Variants in EPB41L4A observed in about 807,000 individuals in gnomAD.
EPB41L4A encodes band 4.1-like protein 4A.
A neutral mutation model predicts 108.6 loss-of-function variants in EPB41L4A; 100 were observed. The observed-to-expected ratio is 0.92, with a 90% CI of 0.78 to 1.09. EPB41L4A has a LOEUF of 1.09. EPB41L4A is among the 50% of genes least tolerant of loss of function. The pLI is 0.00. For missense variants in EPB41L4A, 1,030 were observed against 842.7 expected (o/e 1.22, Z -2.75); for synonymous variants, 319 against 289.0 (o/e 1.10, Z -1.05).
intron 1 of EPB41L4A, among the ~76,000 whole-genome samples, chr5:112,379,195 C>A (rs1760013992): frequency 2.0e-5 from 3 of 152,084 alleles, no homozygotes; most frequent in African/African-American, 7.2e-5. Context: ...ATATACATGT[C>A]CCCCCATTTA....
intron 12 of EPB41L4A, among the ~76,000 whole-genome samples, chr5:112,152,196 AG>A (rs1759494347): frequency 6.6e-6 from 1 of 152,032 alleles, no homozygotes; most frequent in African/African-American, 2.4e-5. Flanking sequence ...AAAAGAAAAG[AG>A]AAAAAAAAAC....
At chr5:112,345,992 C>A (rs1394622765) in intron 1 of EPB41L4A, among the ~76,000 whole-genome samples, 4 of 151,788 alleles carry the variant, frequency 2.6e-5, no homozygotes, top group African/African-American at 9.7e-5. Flanking sequence ...ATTGATTTCA[C>A]TGACAAGGAC....
chr5:112,146,256 T>C (rs1375330096), intron 12 of EPB41L4A, among the ~76,000 whole-genome samples: 1 of 152,222 alleles, frequency 6.6e-6, no homozygotes, highest in Non-Finnish European at 1.5e-5. Context: ...AGGTTTCATA[T>C]TCTCAATTTC....
At chr5:112,388,407 C>G (rs576032278) in intron 1 of EPB41L4A, among the ~76,000 whole-genome samples, 225 of 152,292 alleles carry the variant, frequency 1.5e-3, no homozygotes, top group African/African-American at 5.0e-3. Context: ...CTCTATGTAT[C>G]TGACTCAGCT....
At chr5:112,271,589 G>A (rs1382294161) in intron 4 of EPB41L4A, among the ~76,000 whole-genome samples, 2 of 152,170 alleles carry the variant, frequency 1.3e-5, no homozygotes, top group African/African-American at 4.8e-5. Context: ...TCCCAAGCCT[G>A]TCTTTTAAAC....
chr5:112,382,114 G>A (rs59904621), intron 1 of EPB41L4A, among the ~76,000 whole-genome samples: 38 of 152,268 alleles, frequency 2.5e-4, no homozygotes, highest in Non-Finnish European at 4.6e-4. Context: ...TAAAAGGTAC[G>A]TGATATAACT....
intron 9 of EPB41L4A, among the ~76,000 whole-genome samples, chr5:112,249,966 T>C (rs540507273): frequency 6.6e-6 from 1 of 152,278 alleles, no homozygotes; most frequent in Admixed American, 6.5e-5. Flanking sequence ...GCACATACTC[T>C]AGTTTAAAAA....
intron 7 of EPB41L4A, 78 bp downstream of exon 7, chr5:112,262,416 T>C (rs1751558866): frequency 4.2e-6 from 5 of 1,199,052 alleles, no homozygotes; most frequent in Non-Finnish European, 6.2e-6. Context: ...ACTGCAGCTT[T>C]CCTTTGGGAG....
chr5:112,248,638 C>G (rs901713900), intron 9 of EPB41L4A, among the ~76,000 whole-genome samples: 3 of 152,140 alleles, frequency 2.0e-5, no homozygotes, highest in African/African-American at 7.2e-5. Flanking sequence ...TGTATTATAT[C>G]AGCAAATTTC....
intron 3 of EPB41L4A, among the ~76,000 whole-genome samples, chr5:112,277,274 T>C (rs1452701736): frequency 2.6e-5 from 4 of 152,128 alleles, no homozygotes; most frequent in African/African-American, 7.2e-5. Flanking sequence ...CTGCTTCTAT[T>C]CTTTGGAACA....
chr5:112,345,027 T>G (rs1202675396), intron 1 of EPB41L4A, among the ~76,000 whole-genome samples: 1 of 152,202 alleles, frequency 6.6e-6, no homozygotes, highest in Non-Finnish European at 1.5e-5. Context: ...TAATCTTATT[T>G]TGCCAAAATT....
At chr5:112,235,824 T>G (rs1749289983) in intron 11 of EPB41L4A, among the ~76,000 whole-genome samples, 1 of 152,196 alleles carries the variant, frequency 6.6e-6, no homozygotes, top group African/African-American at 2.4e-5. Flanking sequence ...CCAGGGCGCA[T>G]CCATGATTGT....
chr5:112,380,623 C>T (rs1163504361), intron 1 of EPB41L4A, among the ~76,000 whole-genome samples: 2 of 152,022 alleles, frequency 1.3e-5, no homozygotes, highest in African/African-American at 4.8e-5. Flanking sequence ...ACTTCAAAAA[C>T]AGAAAAACTA....
chr5:112,371,548 C>T (rs1759497467), intron 1 of EPB41L4A, among the ~76,000 whole-genome samples: 1 of 152,156 alleles, frequency 6.6e-6, no homozygotes, highest in African/African-American at 2.4e-5. Context: ...GTCAGGACAT[C>T]ATTATTGTAA....
downstream of EPB41L4A, among the ~76,000 whole-genome samples, chr5:112,157,883 T>C (rs931866951): frequency 1.3e-5 from 2 of 152,192 alleles, no homozygotes; most frequent in African/African-American, 2.4e-5. Context: ...ACTGTGTGGC[T>C]TGAACATCCT....
At chr5:112,142,928 T>C (rs865967056) in exon 14 of EPB41L4A, 1 of 152,210 alleles carries the variant, frequency 6.6e-6, no homozygotes, top group African/African-American at 2.4e-5. Context: ...TCAGAAGTAG[T>C]TGCGTGCCAG....
chr5:112,352,139 G>C (rs895672514), intron 1 of EPB41L4A, among the ~76,000 whole-genome samples: 1 of 152,044 alleles, frequency 6.6e-6, no homozygotes, highest in African/African-American at 2.4e-5. Flanking sequence ...ATTTACTTCT[G>C]CTCTGATCTT....
intron 7 of EPB41L4A, 120 bp downstream of exon 7, chr5:112,262,374 A>T (rs1751555682): frequency 2.6e-6 from 2 of 784,154 alleles, no homozygotes; most frequent in East Asian, 5.0e-5. Context: ...AAAAACAGAT[A>T]AAAAAGTATC....
intron 7 of EPB41L4A, among the ~76,000 whole-genome samples, chr5:112,261,018 ACT>A (rs1751450448): frequency 2.0e-5 from 3 of 152,070 alleles, no homozygotes; most frequent in Admixed American, 2.0e-4. Context: ...TTTGCAGAAG[ACT>A]CTCTTTATAA....
Sources: gnomAD v4.1 joint callset for allele counts (sites outside exome capture counted in the v4.1 genomes callset) on GRCh38, gnomAD v4.1.1 for gene constraint, MANE v1.5 for transcripts, NCBI Gene and HGNC (gene_info 2026-07-23, HGNC 2026-07-21) for gene names.